Variants in SLC47A1 observed in about 807,000 individuals in gnomAD.
The protein encoded by SLC47A1 is solute carrier family 47 member 1.
SLC47A1 carries 58 observed loss-of-function variants against 65.8 expected under a neutral mutation model. The ratio of observed to expected loss-of-function variants is 0.88; its 90% CI spans 0.71 to 1.10. The LOEUF (loss-of-function observed/expected upper bound fraction) is 1.10, where lower values mean the gene tolerates loss of function less well. SLC47A1 is among the 50% of genes least tolerant of loss of function. The pLI is 0.00. For missense variants in SLC47A1, 706 were observed against 719.2 expected (o/e 0.98, Z 0.21); for synonymous variants, 285 against 295.0 (o/e 0.97, Z 0.35).
At chr17:19,576,297 A>G (rs2084438912) in intron 16 of SLC47A1, among the ~76,000 whole-genome samples, 1 of 147,530 alleles carries the variant, frequency 6.8e-6, no homozygotes. Flanking sequence ...CTTTGATGTG[A>G]ACGGTCACAT....
At chr17:19,539,980 G>A (rs1385876947) in intron 1 of SLC47A1, among the ~76,000 whole-genome samples, 2 of 152,190 alleles carry the variant, frequency 1.3e-5, no homozygotes, top group African/African-American at 4.8e-5. Context: ...GAGGCTGCCC[G>A]ACTCAGGCAG....
chr17:19,566,871 G>A lies in SLC47A1; in HGVS notation c.1176+12G>A, dbSNP rs1172137065. On this transcript the variant is annotated intron_variant, in intron 13 of 16. Transcript: ENST00000270570. ...TTGAAGCTCTTGCTGTAAGTATTATGTAGTAGTCCCCTAAGCACTGTTATG... is the reference window on the plus strand; with the variant it reads ...TTGAAGCTCTTGCTGTAAGTATTATATAGTAGTCCCCTAAGCACTGTTATG... 1.2e-6 allele frequency: 2 copies of A among 1,613,886 alleles called. No individual in the cohort carries two copies. Among genetic ancestry groups the A allele is most frequent in the Non-Finnish European group, 1.7e-6 (2 of 1,179,872 alleles).
chr17:19,556,842 C>G (rs1178444769), intron 10 of SLC47A1, among the ~76,000 whole-genome samples: 1 of 152,162 alleles, frequency 6.6e-6, no homozygotes, highest in Non-Finnish European at 1.5e-5. Context: ...CAGGCGTGAG[C>G]CACCGCGCCT....
At chr17:19,548,689 G>A (rs1916362727) in intron 4 of SLC47A1, among the ~76,000 whole-genome samples, 1 of 152,066 alleles carries the variant, frequency 6.6e-6, no homozygotes, top group Non-Finnish European at 1.5e-5. Context: ...TAGTAGAGAC[G>A]GGGTTTCAAT....
chr17:19,541,780 A>G (rs892010635), intron 1 of SLC47A1, among the ~76,000 whole-genome samples: 1 of 152,198 alleles, frequency 6.6e-6, no homozygotes, highest in Admixed American at 6.5e-5. Context: ...CAGCCTCTGC[A>G]CATTGCAGAG....
intron 10 of SLC47A1, among the ~76,000 whole-genome samples, chr17:19,559,665 G>A (rs546380106): frequency 1.3e-5 from 2 of 152,268 alleles, no homozygotes; most frequent in African/African-American, 4.8e-5. Context: ...CTGAGTAGCT[G>A]GGATTACAGG....
intron 5 of SLC47A1, among the ~76,000 whole-genome samples, chr17:19,550,274 A>G (rs8075055): frequency 0.46 from 69,929 of 151,642 alleles, 16,281 homozygotes; most frequent in Middle Eastern, 0.58. Context: ...GGCACATGCC[A>G]CCACACTTGG....
At chr17:19,570,652 C>A (rs1395485211) in intron 14 of SLC47A1, among the ~76,000 whole-genome samples, 2 of 152,162 alleles carry the variant, frequency 1.3e-5, no homozygotes, top group East Asian at 3.8e-4. Context: ...AGCGATCTTG[C>A]TTCCTGCAAG....
At chr17:19,559,485 G>A (rs1233474624) in intron 10 of SLC47A1, among the ~76,000 whole-genome samples, 1 of 152,184 alleles carries the variant, frequency 6.6e-6, no homozygotes, top group African/African-American at 2.4e-5. Context: ...TTGTGCCACT[G>A]CACTCCAGCC....
intron 2 of SLC47A1, among the ~76,000 whole-genome samples, chr17:19,543,791 G>A (rs1916216545): frequency 6.6e-6 from 1 of 152,152 alleles, no homozygotes; most frequent in African/African-American, 2.4e-5. Flanking sequence ...TCGGGCAGGT[G>A]TATGTTCCCC....
At chr17:19,537,278 G>T (rs113519723) in intron 1 of SLC47A1, among the ~76,000 whole-genome samples, 4 of 152,212 alleles carry the variant, frequency 2.6e-5, no homozygotes, top group East Asian at 3.9e-4. Flanking sequence ...CAGGTTGAGG[G>T]GGGTGAGGTG....
rs1157751567 is a variant in SLC47A1 at position 19,548,065 on chromosome 17, C to T, written c.387C>T (p.Pro129=). The T allele has an allele frequency of 1.9e-6, 3 of 1,614,140 alleles. No individual in the cohort carries two copies. The highest frequency in any genetic ancestry group is 3.3e-5 in the Admixed American group (2 of 60,020). ...TCGTCCTGCTCCTCTGCTGCTTCCC[C>T]TGCTGGGCGCTCTTTCTCAACACCC... ...SALVLLLCCF[P]CWALFLNTQH... The change falls in exon 4 of 17, where the codon CCC becomes CCT. Residue 129 remains proline (P), a synonymous_variant. Transcript: ENST00000270570.
intron 10 of SLC47A1, among the ~76,000 whole-genome samples, chr17:19,559,041 A>G (rs1438464972): frequency 6.6e-6 from 1 of 152,204 alleles, no homozygotes; most frequent in Non-Finnish European, 1.5e-5. Context: ...CTTTATAAAT[A>G]ATAGTAATGG....
intron 10 of SLC47A1, 47 bp downstream of exon 10, chr17:19,556,109 C>A (rs1269001751): frequency 6.2e-7 from 1 of 1,600,032 alleles, no homozygotes; most frequent in South Asian, 1.1e-5. Context: ...GTTTTCCTTG[C>A]TTGGTATCTG....
intron 10 of SLC47A1, among the ~76,000 whole-genome samples, chr17:19,559,851 C>CA (rs1327164988): frequency 2.0e-5 from 3 of 149,328 alleles, no homozygotes; most frequent in African/African-American, 7.6e-5. Flanking sequence ...TATTTAAAAA[C>CA]AAAAACAAAA....
rs191323907 is a variant in SLC47A1 at position 19,543,706 on chromosome 17, T to A, written c.237+1212T>A. Among the ~76,000 whole-genome samples the A allele has an allele frequency of 3.8e-4, 58 of 152,310 alleles. 2 individuals are homozygous for A. The East Asian group carries it at 0.01, about 27-fold the overall frequency. On this transcript the variant is annotated intron_variant, in intron 2 of 16. Coordinates refer to ENST00000270570, the MANE Select transcript of SLC47A1 (RefSeq NM_018242.3). ...TGTCATCAATCTCAGCCAGGAATTG[T>A]CAGCTGGCCATGTAAGAACAAAGGG... is the stretch of plus-strand genomic sequence containing the variant.
Position 19,567,203 on chromosome 17 carries a change from G to C in SLC47A1, c.1284G>C (p.Met428Ile). The C allele has an allele frequency of 6.2e-7, 1 of 1,614,220 alleles. No homozygotes were observed. The highest frequency in any genetic ancestry group is 8.5e-7 in the Non-Finnish European group (1 of 1,180,040). ...VVGLPIGIAL[M>I]FATTLGVMGL... Reference sequence around the variant, plus strand: ...GCCTCCCCATCGGGATCGCGCTGATGTTTGCAACCACACTTGGAGTGATGG... The same window carrying C: ...GCCTCCCCATCGGGATCGCGCTGATCTTTGCAACCACACTTGGAGTGATGG... Residue 428 changes from methionine to isoleucine, a missense_variant, in exon 14 of 17, where the codon ATG (methionine) becomes ATC (isoleucine). Coordinates refer to ENST00000270570, the MANE Select transcript of SLC47A1 (RefSeq NM_018242.3).
Position 19,577,785 on chromosome 17 carries a change from T to G in SLC47A1, c.*232T>G. 7.3e-7 allele frequency: 1 copy of G among 1,363,994 alleles called. No homozygotes were observed. The highest frequency in any genetic ancestry group is 9.5e-7 in the Non-Finnish European group (1 of 1,057,850). The allele number at this position is 1,363,994 out of a possible 1,614,324, so 84.5% of individuals were successfully genotyped here. On this transcript the variant is annotated 3_prime_UTR_variant, in exon 17 of 17. Coordinates refer to ENST00000270570, the MANE Select transcript of SLC47A1 (RefSeq NM_018242.3). ...GATGACATGAGTAGTAATTCACCACTATCTGAACCAAGCAAGGATCAATGT... is the reference window on the plus strand; with the variant it reads ...GATGACATGAGTAGTAATTCACCACGATCTGAACCAAGCAAGGATCAATGT...
At position 19,578,695 on chromosome 17, in the gene SLC47A1, C is replaced by A. The variant is rs1182342075; in HGVS notation, c.*1142C>A. On this transcript the variant is annotated 3_prime_UTR_variant, in exon 17 of 17. Coordinates refer to ENST00000270570, the MANE Select transcript of SLC47A1 (RefSeq NM_018242.3). ...AGTCAAGAAGCCAGGGATAAAAGCA[C>A]CTCAGGCACATAACATTAATCTAGT... 6.6e-6 allele frequency: 1 copy of A among 152,238 alleles called. No individual in the cohort carries two copies. The highest frequency in any genetic ancestry group is 1.5e-5 in the Non-Finnish European group (1 of 68,068). The allele number at this position is 152,238 out of a possible 1,614,324, so 9.4% of individuals were successfully genotyped here. A position where few individuals can be genotyped will look rare whatever the true frequency, so the allele number is the denominator to read the frequency against.
Sources: gnomAD v4.1 joint callset for allele counts (sites outside exome capture counted in the v4.1 genomes callset) on GRCh38, gnomAD v4.1.1 for gene constraint, MANE v1.5 for transcripts, NCBI Gene and HGNC (gene_info 2026-07-23, HGNC 2026-07-21) for gene names.